Variants in IZUMO2 observed in about 807,000 individuals in gnomAD.
IZUMO2 encodes IZUMO family member 2, also known as izumo sperm-egg fusion protein 2.
IZUMO2 carries 24 observed loss-of-function variants against 31.2 expected under a neutral mutation model. The observed-to-expected ratio is 0.77, with a 90% CI of 0.56 to 1.08. The LOEUF (loss-of-function observed/expected upper bound fraction) is 1.08. IZUMO2 is among the 50% of genes least tolerant of loss of function. The pLI is 0.00. For synonymous variants in IZUMO2, 144 were observed against 117.3 expected (o/e 1.23, Z -1.47); for missense variants, 278 against 274.0 (o/e 1.01, Z -0.10).
chr19:50,154,836 G>A (rs959329170), intron 5 of IZUMO2, 110 bp from the exon 6 acceptor site: 58 of 1,250,142 alleles, frequency 4.6e-5, no homozygotes, highest in Admixed American at 3.8e-4. Context: ...GGGGTGGGGC[G>A]CTCTCTCTTC....
At position 50,163,147 on chromosome 19, in the gene IZUMO2, G is replaced by A. The variant is rs2030466674; in HGVS notation, c.48C>T (p.Pro16=). The A allele has an allele frequency of 6.3e-7, 1 of 1,577,348 alleles. No homozygotes were observed. Among genetic ancestry groups the A allele is most frequent in the Admixed American group, 1.9e-5 (1 of 53,034 alleles). ...TLLLLSGLGA[P]GGWGCLQCDP... Reference sequence around the variant, plus strand: ...CGCACTGCAGGCAGCCCCAGCCTCCGGGGGCGCCCAAGCCCGAGAGCAGCA... The same window carrying A: ...CGCACTGCAGGCAGCCCCAGCCTCCAGGGGCGCCCAAGCCCGAGAGCAGCA... The change falls in exon 1 of 7, where the codon CCC becomes CCT. Residue 16 remains proline (P), a synonymous_variant. Coordinates refer to ENST00000293405, the MANE Select transcript of IZUMO2 (RefSeq NM_152358.3).
At chr19:50,159,890 C>T (rs1034767537) in intron 2 of IZUMO2, 24 of 227,526 alleles carry the variant, frequency 1.1e-4, no homozygotes, top group Non-Finnish European at 1.9e-4. Context: ...CTCTGTTGCC[C>T]AGGCTGGAGT....
intron 4 of IZUMO2, 81 bp from the exon 5 acceptor site, chr19:50,158,429 G>A: frequency 1.1e-6 from 1 of 912,844 alleles, no homozygotes. Flanking sequence ...AGGAGAAAGA[G>A]GAGATGGGGT....
At chr19:50,156,697 G>C (rs1031417609) in intron 5 of IZUMO2, among the ~76,000 whole-genome samples, 1 of 152,008 alleles carries the variant, frequency 6.6e-6, no homozygotes. Context: ...GGCTGAGGTG[G>C]GCGAATCATT....
At chr19:50,154,786 C>A in intron 5 of IZUMO2, 60 bp from the exon 6 acceptor site, 2 of 1,583,972 alleles carry the variant, frequency 1.3e-6, no homozygotes, top group Non-Finnish European at 1.7e-6. Flanking sequence ...TAGCCCCATA[C>A]CCACCCCACC....
At chr19:50,157,399 T>G (rs1295891582) in intron 5 of IZUMO2, among the ~76,000 whole-genome samples, 1 of 151,414 alleles carries the variant, frequency 6.6e-6, no homozygotes, top group Non-Finnish European at 1.5e-5. Context: ...ACCTCCTATA[T>G]TCAAGCGATT....
intron 5 of IZUMO2, among the ~76,000 whole-genome samples, chr19:50,156,774 A>G (rs1038278837): frequency 6.6e-6 from 1 of 152,182 alleles, no homozygotes; most frequent in Non-Finnish European, 1.5e-5. Context: ...ACAAAACAAA[A>G]CAAAACAAAA....
intron 6 of IZUMO2, 83 bp downstream of exon 6, chr19:50,154,517 A>G (rs1159741950): frequency 5.4e-6 from 7 of 1,301,368 alleles, no homozygotes; most frequent in Non-Finnish European, 7.2e-6. Flanking sequence ...CAAAGTACAC[A>G]GTGACCCATC....
intron 2 of IZUMO2, among the ~76,000 whole-genome samples, chr19:50,162,428 T>C (rs1393037083): frequency 6.6e-6 from 1 of 152,048 alleles, no homozygotes; most frequent in South Asian, 2.1e-4. Flanking sequence ...GGCAATATAA[T>C]GAGACCCAGT....
Position 50,154,659 on chromosome 19 carries a change from C to T in IZUMO2, c.564G>A (p.Leu188=). The T allele has an allele frequency of 6.2e-7, 1 of 1,614,066 alleles. No individual in the cohort carries two copies. The highest frequency in any genetic ancestry group is 8.5e-7 in the Non-Finnish European group (1 of 1,180,014). The change falls in exon 6 of 7, where the codon CTG becomes CTA. Residue 188 remains leucine, a synonymous_variant. Coordinates refer to ENST00000293405, the MANE Select transcript of IZUMO2 (RefSeq NM_152358.3). The part of the protein sequence containing the change: ...MDSKYPRNQA[L]LGILISVSLA... ...GAGACACAGAAATGAGGATGCCCAA[C>T]AGCGCCTGGTTCCTCGGGTATTTGC...
In IZUMO2 at chr19:50,152,613, T is replaced by G. The variant is rs760508211; in HGVS notation, c.662A>C (p.Gln221Pro). The G allele has an allele frequency of 1.2e-6, 2 of 1,613,372 alleles. No individual in the cohort carries two copies. Among genetic ancestry groups the G allele is most frequent in the South Asian group, 2.2e-5 (2 of 91,070 alleles). ...CCTTACCCCCAAACCACCGTCCTACTGCAGCAGGAGTTTTCGGTTTTGTCT... is the reference window on the plus strand; with the variant it reads ...CCTTACCCCCAAACCACCGTCCTACGGCAGCAGGAGTTTTCGGTTTTGTCT... The part of the protein sequence containing the change: ...TYRQNRKLLL[Q>P] The change falls in exon 7 of 7, where the codon CAG (glutamine) becomes CCG (proline). Residue 221 changes from glutamine (Q) to proline (P), a missense_variant. Transcript: ENST00000293405.
Position 50,162,762 on chromosome 19 carries a change from T to G in IZUMO2, c.284A>C (p.His95Pro), listed in dbSNP as rs1438638850. 6.2e-7 allele frequency: 1 copy of G among 1,613,868 alleles called. No homozygotes were observed. The highest frequency in any genetic ancestry group is 2.2e-5 in the East Asian group (1 of 44,896). ...ACCTTTCAGAGAGTTACCCATTAAG[T>G]GCTGCGTTTGGTTCTTGACAAAGGA... ...VASFVKNQTQ[H>P]LMGNSLKDEP... The change falls in exon 2 of 7, where the codon CAC becomes CCC. Residue 95 changes from histidine (H) to proline (P), a missense_variant. His to Pro is a moderately conservative substitution (Grantham distance 77). Coordinates refer to ENST00000293405, the MANE Select transcript of IZUMO2 (RefSeq NM_152358.3).
Position 50,154,674 on chromosome 19 carries a change from C to T in IZUMO2, c.549G>A (p.Pro183=), listed in dbSNP as rs200299576. Residue 183 remains proline, a synonymous_variant, in exon 6 of 7, where the codon CCG becomes CCA. Transcript: ENST00000293405. ...GGATGCCCAACAGCGCCTGGTTCCT[C>T]GGGTATTTGCTGTCCATCTGGTACT... is the stretch of plus-strand genomic sequence containing the variant. The part of the protein sequence containing the change: ...ALQYQMDSKY[P]RNQALLGILI... 20 of 1,613,930 alleles carry T rather than the reference C, an allele frequency of 1.2e-5. No individual in the cohort carries two copies. The highest frequency in any genetic ancestry group is 6.7e-5 in the African/African-American group (5 of 75,018).
At chr19:50,162,328 C>G (rs2030425985) in intron 2 of IZUMO2, among the ~76,000 whole-genome samples, 1 of 151,986 alleles carries the variant, frequency 6.6e-6, no homozygotes, top group Non-Finnish European at 1.5e-5. Flanking sequence ...TGGTTTATGA[C>G]CAGGTGCAGT....
intron 3 of IZUMO2, 56 bp from the exon 4 acceptor site, chr19:50,159,306 A>G: frequency 6.3e-7 from 1 of 1,582,362 alleles, no homozygotes; most frequent in African/African-American, 1.3e-5. Context: ...TGATAATTTA[A>G]TTGGAAAGGG....
At chr19:50,162,631 A>AT in intron 2 of IZUMO2, 108 bp downstream of exon 2, 2 of 903,320 alleles carry the variant, frequency 2.2e-6, no homozygotes, top group Non-Finnish European at 3.5e-6. Flanking sequence ...GAAAAAAAAA[A>AT]GGCTACATTG....
At chr19:50,156,770 CAAAA>C (rs1378350267) in intron 5 of IZUMO2, among the ~76,000 whole-genome samples, 3 of 151,882 alleles carry the variant, frequency 2.0e-5, no homozygotes, top group African/African-American at 7.3e-5. Flanking sequence ...AAAAACAAAA[CAAAA>C]CAAAACAAAA....
chr19:50,161,062 G>A (rs2030381807), intron 2 of IZUMO2, among the ~76,000 whole-genome samples: 1 of 151,558 alleles, frequency 6.6e-6, no homozygotes, highest in Admixed American at 6.6e-5. Flanking sequence ...AAATAGATGT[G>A]TCATGATTCT....
chr19:50,156,385 C>A (rs1218221192), intron 5 of IZUMO2, among the ~76,000 whole-genome samples: 1 of 152,110 alleles, frequency 6.6e-6, no homozygotes, highest in Non-Finnish European at 1.5e-5. Context: ...GGTTGAGAAA[C>A]CCTAGTCTAA....
Sources: allele counts gnomAD v4.1 joint callset (sites outside exome capture counted in the v4.1 genomes callset), GRCh38; gene constraint gnomAD v4.1.1; transcripts MANE v1.5; gene names NCBI Gene and HGNC (gene_info 2026-07-23, HGNC 2026-07-21).